The following CNBD1 variants were observed in gnomAD, a reference collection of about 807,000 sequenced individuals.
CNBD1 encodes cyclic nucleotide-binding domain-containing protein 1.
CNBD1 carries 71 observed loss-of-function variants against 54.4 expected under a neutral mutation model. That is an observed-to-expected ratio of 1.30 (90% CI 1.08 to 1.59). The LOEUF (loss-of-function observed/expected upper bound fraction) is 1.59. Among genes scored for constraint, CNBD1 ranks in the 40% most tolerant of loss-of-function variants. The pLI is 0.00. For synonymous variants in CNBD1, 182 were observed against 170.7 expected (o/e 1.07, Z -0.51); for missense variants, 659 against 518.0 (o/e 1.27, Z -2.64).
intron 4 of CNBD1, among the ~76,000 whole-genome samples, chr8:86,995,138 A>AG (rs1198757199): frequency 6.6e-6 from 1 of 152,192 alleles, no homozygotes; most frequent in Non-Finnish European, 1.5e-5. Context: ...TTGAAGAACT[A>AG]GGCAGGATTT....
At chr8:87,367,421 G>A (rs1439646924) in intron 10 of CNBD1, among the ~76,000 whole-genome samples, 4 of 152,004 alleles carry the variant, frequency 2.6e-5, no homozygotes, top group Non-Finnish European at 4.4e-5. Flanking sequence ...CTTGCAGATG[G>A]TGAAGCTTAG....
intron 2 of CNBD1, among the ~76,000 whole-genome samples, chr8:87,391,381 A>G (rs1811306463): frequency 6.6e-6 from 1 of 152,130 alleles, no homozygotes; most frequent in South Asian, 2.1e-4. Context: ...ATTCGTATGG[A>G]AACACAAGAG....
At chr8:87,240,016 C>A (rs936511890) in intron 6 of CNBD1, among the ~76,000 whole-genome samples, 1 of 151,018 alleles carries the variant, frequency 6.6e-6, no homozygotes, top group African/African-American at 2.4e-5. Context: ...ATAATAAATT[C>A]AAATTTCTTA....
chr8:87,248,051 T>G (rs1463329830), intron 6 of CNBD1, among the ~76,000 whole-genome samples: 2 of 152,176 alleles, frequency 1.3e-5, no homozygotes, highest in Admixed American at 6.5e-5. Flanking sequence ...ATTCAAAGAC[T>G]TTAATTGTTC....
chr8:87,203,343 C>T (rs1001445492), intron 4 of CNBD1, among the ~76,000 whole-genome samples: 1 of 152,096 alleles, frequency 6.6e-6, no homozygotes, highest in Admixed American at 6.6e-5. Flanking sequence ...TATATATGTA[C>T]ACACTTACAC....
chr8:87,411,399 T>TAA (rs1554588028), intron 2 of CNBD1, among the ~76,000 whole-genome samples: 2 of 127,584 alleles, frequency 1.6e-5, no homozygotes, highest in Non-Finnish European at 3.2e-5. Context: ...AGCTATATCA[T>TAA]ATATATATAT....
chr8:86,924,345 T>C (rs1809323928), intron 3 of CNBD1, among the ~76,000 whole-genome samples: 1 of 152,154 alleles, frequency 6.6e-6, no homozygotes, highest in Non-Finnish European at 1.5e-5. Context: ...GCAAATTGTC[T>C]ACAGAATGTG....
rs1164768541 is a variant in CNBD1 at position 87,346,051 on chromosome 8, TTG to T, written c.1043-5631_1043-5630del. ...TTAATTTTCTTTTTTTTTCTTTTTT[TTG>T]TGGGGGGGACAGAGTTTCACTCTTG... On this transcript the variant is annotated intron_variant, in intron 8 of 10. Transcript: ENST00000518476. Among the ~76,000 whole-genome samples the T allele has an allele frequency of 1.3e-4, 20 of 151,636 alleles. 1 individual carries two copies. Among genetic ancestry groups the T allele is most frequent in the Admixed American group, 1.3e-3 (20 of 15,268 alleles).
At chr8:87,018,403 A>C (rs2130572215) in intron 4 of CNBD1, among the ~76,000 whole-genome samples, 1 of 152,342 alleles carries the variant, frequency 6.6e-6, no homozygotes, top group Non-Finnish European at 1.5e-5. Flanking sequence ...GGCTAAAAAA[A>C]ATTGTTTCAA....
intron 10 of CNBD1, among the ~76,000 whole-genome samples, chr8:87,382,295 G>A (rs1371728090): frequency 6.6e-6 from 1 of 151,822 alleles, no homozygotes; most frequent in Non-Finnish European, 1.5e-5. Flanking sequence ...CAACAATTTA[G>A]AGAAAATAAT....
intron 4 of CNBD1, among the ~76,000 whole-genome samples, chr8:87,191,503 C>T (rs909505979): frequency 1.3e-5 from 2 of 152,132 alleles, no homozygotes; most frequent in Non-Finnish European, 2.9e-5. Context: ...CTAGGCATTG[C>T]TCGATGCAGT....
chr8:87,294,472 C>A (rs955540867), intron 8 of CNBD1, among the ~76,000 whole-genome samples: 6 of 152,108 alleles, frequency 3.9e-5, no homozygotes, highest in African/African-American at 1.4e-4. Context: ...TCACCCACCA[C>A]CTGCAGCATT....
rs989543475 is a variant in CNBD1, at chr8:87,107,153, C to A, written c.432-98840C>A. On this transcript the variant is annotated intron_variant, in intron 4 of 10. Coordinates refer to ENST00000518476, the MANE Select transcript of CNBD1 (RefSeq NM_173538.3). ...TGTTTTTATGTTTTTATATACTTTT[C>A]ACTGATGTCTTAAAAGTAGCATGTC... Among the ~76,000 whole-genome samples, 3 of 152,148 alleles carry A rather than the reference C, an allele frequency of 2.0e-5. No individual in the cohort carries two copies. In the South Asian group the frequency reaches 6.2e-4, roughly 32 times the overall value.
intron 6 of CNBD1, among the ~76,000 whole-genome samples, chr8:87,274,086 C>T (rs183985125): frequency 6.6e-6 from 1 of 152,066 alleles, no homozygotes; most frequent in African/African-American, 2.4e-5. Flanking sequence ...CATGTCCCTA[C>T]AAAAGACATG....
intron 1 of CNBD1, among the ~76,000 whole-genome samples, chr8:86,873,970 T>G (rs13277363): frequency 6.6e-6 from 1 of 152,124 alleles, no homozygotes; most frequent in African/African-American, 2.4e-5. Flanking sequence ...AAAATTAACA[T>G]TGATACATTA....
intron 4 of CNBD1, among the ~76,000 whole-genome samples, chr8:87,157,217 A>G (rs956849743): frequency 2.0e-5 from 3 of 152,214 alleles, no homozygotes; most frequent in African/African-American, 7.2e-5. Context: ...CTGATTAACA[A>G]TGCACTTTCT....
chr8:87,184,581 C>T (rs1813434039), intron 4 of CNBD1, among the ~76,000 whole-genome samples: 2 of 152,284 alleles, frequency 1.3e-5, no homozygotes, highest in Non-Finnish European at 2.9e-5. Context: ...GTCATGGGGT[C>T]TCCTGCAGCT....
chr8:86,898,897 T>A (rs1808890066), intron 2 of CNBD1, among the ~76,000 whole-genome samples: 2 of 152,124 alleles, frequency 1.3e-5, no homozygotes. Flanking sequence ...AATTTACCTG[T>A]GTAACAAACC....
intron 5 of CNBD1, among the ~76,000 whole-genome samples, chr8:87,210,234 T>C (rs1448882166): frequency 6.6e-6 from 1 of 152,218 alleles, no homozygotes; most frequent in East Asian, 1.9e-4. Context: ...AAGAAATGAC[T>C]TAAAGTTGGA....
Sources: allele counts gnomAD v4.1 joint callset (sites outside exome capture counted in the v4.1 genomes callset), GRCh38; gene constraint gnomAD v4.1.1; transcripts MANE v1.5; gene names NCBI Gene and HGNC (gene_info 2026-07-23, HGNC 2026-07-21).